VAV3: variants seen among roughly 807,000 people sequenced by gnomAD.
VAV3 encodes guanine nucleotide exchange factor VAV3.
VAV3 carries 94 observed loss-of-function variants against 131.2 expected under a neutral mutation model. That is an observed-to-expected ratio of 0.72 (90% CI 0.61 to 0.85). VAV3 has a LOEUF of 0.85. Among genes scored for constraint, VAV3 ranks in the 40% least tolerant of loss-of-function variants. VAV3 has a pLI of 0.00. For synonymous variants in VAV3, 349 were observed against 342.0 expected (o/e 1.02, Z -0.22); for missense variants, 939 against 1,002.7 (o/e 0.94, Z 0.86).
chr1:107,627,611 T>A (rs1374873037), intron 20 of VAV3, among the ~76,000 whole-genome samples: 1 of 152,138 alleles, frequency 6.6e-6, no homozygotes, highest in Non-Finnish European at 1.5e-5. Flanking sequence ...CAAATACACT[T>A]TTTTCTCCTT....
intron 12 of VAV3, 23 bp from the exon 13 acceptor site, chr1:107,751,225 C>A: frequency 1.0e-5 from 16 of 1,565,672 alleles, no homozygotes; most frequent in Non-Finnish European, 1.3e-5. Flanking sequence ...ATGCACATGT[C>A]AGAGTTTTTC....
At chr1:107,598,829 CATA>C (rs1440343460) in intron 24 of VAV3, among the ~76,000 whole-genome samples, 1 of 151,816 alleles carries the variant, frequency 6.6e-6, no homozygotes, top group Non-Finnish European at 1.5e-5. Context: ...CACACGTATA[CATA>C]ATGTCACTGA....
At position 107,587,794 on chromosome 1, in the gene VAV3, G is replaced by A. The variant is rs529967827; in HGVS notation, c.2350+8418C>T. Among the ~76,000 whole-genome samples the A allele has an allele frequency of 8.5e-5, 13 of 152,212 alleles. 1 individual carries two copies. Among genetic ancestry groups the A allele is most frequent in the East Asian group, 1.9e-4 (1 of 5,176 alleles). ...CTTAGTAGAGACGGGGTTTCACCAC[G>A]TTGGCCAGGCAGGTTTCAAACTCCT... On this transcript the variant is annotated intron_variant, in intron 25 of 26. Transcript: ENST00000370056.
chr1:107,713,696 T>C (rs925639408), intron 15 of VAV3, among the ~76,000 whole-genome samples: 3 of 152,150 alleles, frequency 2.0e-5, no homozygotes, highest in Non-Finnish European at 4.4e-5. Context: ...TTGTGTGATA[T>C]ATAACCAATG....
At chr1:107,678,012 C>T (rs1416284518) in intron 19 of VAV3, 1 of 152,092 alleles carries the variant, frequency 6.6e-6, no homozygotes, top group East Asian at 1.9e-4. Context: ...AATCTGTTAT[C>T]ACGGAAAAGG....
rs182880053 is a variant in VAV3, at chr1:107,767,936, G to T, written c.717+505C>A. On this transcript the variant is annotated intron_variant, in intron 7 of 26. Coordinates refer to ENST00000370056, the MANE Select transcript of VAV3 (RefSeq NM_006113.5). ...TCAAATTTTACAATTAAAATAGTCT[G>T]GTAAATCATAAGGAAGTAGGGTATT... Among the ~76,000 whole-genome samples the T allele has an allele frequency of 3.3e-5, 5 of 152,242 alleles. No homozygotes were observed. The East Asian group carries it at 5.8e-4, about 18-fold the overall frequency.
rs114616127 is a variant in VAV3, at chr1:107,595,806, G to A, written c.2350+406C>T. ...AAGTAGTCATTGAAATAGACCATAA[G>A]CAGATTTGAGATACTAGGCTAACTG... is the stretch of plus-strand genomic sequence containing the variant. On this transcript the variant is annotated intron_variant, in intron 25 of 26. Transcript: ENST00000370056. Among the ~76,000 whole-genome samples the A allele has an allele frequency of 5.4e-3, 817 of 152,228 alleles. 5 individuals carry two copies. The highest frequency in any genetic ancestry group is 8.4e-3 in the Non-Finnish European group (572 of 68,002).
intron 1 of VAV3, among the ~76,000 whole-genome samples, chr1:107,876,689 TAA>T (rs1488574007): frequency 6.6e-6 from 1 of 152,132 alleles, no homozygotes; most frequent in Non-Finnish European, 1.5e-5. Flanking sequence ...TTTCAGTGTC[TAA>T]AAGACTCAGA....
intron 15 of VAV3, among the ~76,000 whole-genome samples, chr1:107,745,540 GA>G (rs1663289269): frequency 6.6e-6 from 1 of 152,160 alleles, no homozygotes; most frequent in Admixed American, 6.5e-5. Context: ...GAAGGTCAGA[GA>G]ACATGACTGC....
chr1:107,602,263 G>A (rs1376860554), intron 24 of VAV3, 134 bp downstream of exon 24: 3 of 546,606 alleles, frequency 5.5e-6, no homozygotes, highest in Non-Finnish European at 9.2e-6. Flanking sequence ...GGATTTTGTT[G>A]CAAAATTAGA....
chr1:107,644,025 T>C (rs1033499328), intron 19 of VAV3, among the ~76,000 whole-genome samples: 4 of 152,036 alleles, frequency 2.6e-5, no homozygotes, highest in African/African-American at 9.7e-5. Context: ...ATGATTTTAA[T>C]CTCACATTCA....
chr1:107,918,703 A>T lies in VAV3; in HGVS notation c.205-43686T>A, dbSNP rs759802127. On this transcript the variant is annotated intron_variant, in intron 1 of 26. Transcript: ENST00000370056. ...TTTTAAGGCATATATATATATATAT[A>T]TATTTTTTTTTTTTTTTGAGAGATG... is the stretch of plus-strand genomic sequence containing the variant. 6.3e-3 allele frequency among the ~76,000 whole-genome samples: 751 copies of T among 119,862 alleles called. 4 individuals are homozygous for T. Among genetic ancestry groups the T allele is most frequent in the South Asian group, 0.015 (57 of 3,754 alleles). The allele number at this position is 119,862 out of a possible 152,430, so 78.6% of individuals were successfully genotyped here.
intron 21 of VAV3, among the ~76,000 whole-genome samples, chr1:107,613,078 T>C (rs188694109): frequency 2.0e-5 from 3 of 152,264 alleles, no homozygotes; most frequent in Admixed American, 1.3e-4. Flanking sequence ...ATTCAACAGT[T>C]ACCAGAAGTG....
intron 1 of VAV3, among the ~76,000 whole-genome samples, chr1:107,886,645 C>T (rs1233493392): frequency 6.6e-6 from 1 of 152,150 alleles, no homozygotes; most frequent in Non-Finnish European, 1.5e-5. Flanking sequence ...AAATAGCTTT[C>T]CTCTTCTTAT....
intron 2 of VAV3, among the ~76,000 whole-genome samples, chr1:107,802,966 G>A (rs1407064539): frequency 6.6e-6 from 1 of 151,666 alleles, no homozygotes; most frequent in Admixed American, 6.6e-5. Context: ...AAGCCATCAG[G>A]TCCTGGGCTT....
intron 2 of VAV3, among the ~76,000 whole-genome samples, chr1:107,866,032 C>G (rs1369216382): frequency 1.3e-5 from 2 of 152,038 alleles, no homozygotes; most frequent in African/African-American, 4.8e-5. Context: ...GCTCACTTCC[C>G]AAGGATAAGG....
chr1:107,951,713 G>GA (rs879893976), intron 1 of VAV3, among the ~76,000 whole-genome samples: 1 of 151,576 alleles, frequency 6.6e-6, no homozygotes, highest in Non-Finnish European at 1.5e-5. Flanking sequence ...ACAAGCATAT[G>GA]AAAAAAAGCT....
chr1:107,807,732 T>C (rs1467366001), intron 2 of VAV3, among the ~76,000 whole-genome samples: 1 of 152,228 alleles, frequency 6.6e-6, no homozygotes, highest in African/African-American at 2.4e-5. Context: ...CATATACATC[T>C]TTGACCTTTT....
intron 20 of VAV3, among the ~76,000 whole-genome samples, chr1:107,637,982 AGAAGAGCATTT>A (rs1450186646): frequency 6.6e-6 from 1 of 152,230 alleles, no homozygotes; most frequent in East Asian, 1.9e-4. Context: ...CAATGGATGC[AGAAGAGCATTT>A]GAGAAAAATC....
Sources: gnomAD v4.1 joint callset for allele counts (sites outside exome capture counted in the v4.1 genomes callset) on GRCh38, gnomAD v4.1.1 for gene constraint, MANE v1.5 for transcripts, NCBI Gene and HGNC (gene_info 2026-07-23, HGNC 2026-07-21) for gene names.